SLC31A1: variants seen among roughly 807,000 people sequenced by gnomAD.
SLC31A1 encodes the protein solute carrier family 31 member 1, also known as high affinity copper uptake protein 1.
A neutral mutation model predicts 17.2 loss-of-function variants in SLC31A1; 5 were observed. That is an observed-to-expected ratio of 0.29 (90% CI 0.15 to 0.61). SLC31A1 has a LOEUF of 0.61. Among genes scored for constraint, SLC31A1 ranks in the 20% least tolerant of loss-of-function variants. The pLI is 0.86. For missense variants in SLC31A1, 161 were observed against 241.4 expected, an observed-to-expected ratio of 0.67 and a Z score of 2.21; for synonymous variants, 76 against 78.8, an observed-to-expected ratio of 0.96 and a Z score of 0.19.
At chr9:113,259,405 T>C (rs1444055795) in intron 4 of SLC31A1, among the ~76,000 whole-genome samples, 2 of 152,220 alleles carry the variant, frequency 1.3e-5, no homozygotes, top group South Asian at 2.1e-4. Flanking sequence ...TAGACTGATA[T>C]CCTGCTTTCA....
At chr9:113,227,075 C>T (rs1476967451) in intron 1 of SLC31A1, among the ~76,000 whole-genome samples, 12 of 151,794 alleles carry the variant, frequency 7.9e-5, no homozygotes, top group Admixed American at 7.9e-4. Context: ...TACCTTCATT[C>T]GATAGGTATG....
chr9:113,236,068 A>C (rs1336708389), intron 1 of SLC31A1, among the ~76,000 whole-genome samples: 1 of 152,142 alleles, frequency 6.6e-6, no homozygotes, highest in Non-Finnish European at 1.5e-5. Flanking sequence ...GCTCACTGCA[A>C]CCTCTGCCTC....
intron 1 of SLC31A1, among the ~76,000 whole-genome samples, chr9:113,229,864 T>C (rs1314573101): frequency 6.6e-6 from 1 of 152,218 alleles, no homozygotes; most frequent in Non-Finnish European, 1.5e-5. Flanking sequence ...CAAAATTATG[T>C]TGAATTGCAG....
At chr9:113,245,099 TTAAG>T (rs1172924146) in intron 1 of SLC31A1, among the ~76,000 whole-genome samples, 1 of 152,186 alleles carries the variant, frequency 6.6e-6, no homozygotes, top group Non-Finnish European at 1.5e-5. Flanking sequence ...ATTGATCAAA[TTAAG>T]TATACCTACG....
intron 1 of SLC31A1, among the ~76,000 whole-genome samples, chr9:113,252,539 T>G (rs919857373): frequency 6.6e-6 from 1 of 152,202 alleles, no homozygotes; most frequent in African/African-American, 2.4e-5. Flanking sequence ...TCTGCCCGCC[T>G]TGGCCTCCCA....
chr9:113,253,647 C>T (rs542725698), intron 1 of SLC31A1, among the ~76,000 whole-genome samples: 54 of 151,152 alleles, frequency 3.6e-4, no homozygotes, highest in Non-Finnish European at 6.5e-4. Flanking sequence ...CTCCGCCTCC[C>T]AGGTTTGAGC....
chr9:113,264,418 T>C lies in SLC31A1; in HGVS notation c.*3945T>C, dbSNP rs1831831931. On this transcript the variant is annotated 3_prime_UTR_variant, in exon 5 of 5. Transcript: ENST00000374212. The stretch of plus-strand genomic sequence containing the variant: ...TAGATTGTAAGCTCCTGGAGAGCAG[T>C]ATTGCTGTAGTAGGAATGTTTTAAC... 6.6e-6 allele frequency: 1 copy of C among 152,566 alleles called. No homozygotes were observed. The highest frequency in any genetic ancestry group is 1.5e-5 in the Non-Finnish European group (1 of 68,030). 9.5% of individuals were successfully genotyped at this position (152,566 alleles called of 1,614,324 possible).
intron 3 of SLC31A1, among the ~76,000 whole-genome samples, 178 bp downstream of exon 3, chr9:113,257,363 C>T (rs956351570): frequency 4.6e-5 from 7 of 151,920 alleles, no homozygotes; most frequent in Admixed American, 1.3e-4. Context: ...CTTTTTTGGT[C>T]CTCTGGTAAA....
At chr9:113,249,356 G>GTT (rs555534321) in intron 1 of SLC31A1, among the ~76,000 whole-genome samples, 2 of 141,136 alleles carry the variant, frequency 1.4e-5, no homozygotes, top group Admixed American at 7.1e-5. Flanking sequence ...ATCTTTCTTT[G>GTT]TTTTTTTTTT....
intron 1 of SLC31A1, among the ~76,000 whole-genome samples, chr9:113,222,355 C>T (rs1031440026): frequency 3.9e-5 from 6 of 152,164 alleles, no homozygotes; most frequent in Non-Finnish European, 5.9e-5. Flanking sequence ...GGTCTTCCTG[C>T]GACAGCCCTA....
At position 113,263,034 on chromosome 9, in the gene SLC31A1, C is replaced by G. The variant is rs1831811959; in HGVS notation, c.*2561C>G. On this transcript the variant is annotated 3_prime_UTR_variant, in exon 5 of 5. Transcript: ENST00000374212. ...ATTAGCCAGGCATGGTGGTGCATAC[C>G]TATAGTCCTGGCTATTTGGGAGGCT... 6.6e-6 allele frequency: 1 copy of G among 152,250 alleles called. No individual in the cohort carries two copies. Among genetic ancestry groups the G allele is most frequent in the Non-Finnish European group, 1.5e-5 (1 of 68,106 alleles). The allele number at this position is 152,250 out of a possible 1,614,324, so 9.4% of individuals were successfully genotyped here. A position where few individuals can be genotyped will look rare whatever the true frequency, so the allele number is the denominator to read the frequency against.
chr9:113,251,715 TTTTA>T (rs1831656249), intron 1 of SLC31A1, among the ~76,000 whole-genome samples: 1 of 152,244 alleles, frequency 6.6e-6, no homozygotes, highest in Non-Finnish European at 1.5e-5. Context: ...ATATAATCAC[TTTTA>T]TTTATTATGC....
intron 1 of SLC31A1, among the ~76,000 whole-genome samples, chr9:113,233,497 A>G (rs979551881): frequency 3.9e-5 from 6 of 152,230 alleles, no homozygotes; most frequent in Non-Finnish European, 7.3e-5. Context: ...TGGTAGTTCA[A>G]TCCCTGTATT....
chr9:113,229,274 G>A (rs747902493), intron 1 of SLC31A1, among the ~76,000 whole-genome samples: 11 of 152,144 alleles, frequency 7.2e-5, no homozygotes, highest in African/African-American at 1.2e-4. Flanking sequence ...TAGGGACCAC[G>A]GTCCTATTTT....
intron 1 of SLC31A1, among the ~76,000 whole-genome samples, chr9:113,250,662 A>G (rs1458985916): frequency 1.3e-5 from 2 of 151,864 alleles, no homozygotes; most frequent in Admixed American, 1.3e-4. Context: ...CATGTACCCT[A>G]AAACTTAAAG....
At chr9:113,223,625 T>C (rs758361022) in intron 1 of SLC31A1, among the ~76,000 whole-genome samples, 6 of 152,210 alleles carry the variant, frequency 3.9e-5, no homozygotes, top group Non-Finnish European at 8.8e-5. Flanking sequence ...TAAAATATAT[T>C]GTCAACCCCC....
intron 1 of SLC31A1, among the ~76,000 whole-genome samples, chr9:113,247,338 G>A (rs963695114): frequency 1.3e-5 from 2 of 152,106 alleles, no homozygotes; most frequent in Non-Finnish European, 2.9e-5. Context: ...GAACTGTCCC[G>A]GGCTCCAGAT....
rs1474304327 is a variant in SLC31A1, at chr9:113,257,100, G to A, written c.130-13G>A. On this transcript the variant is annotated splice_polypyrimidine_tract_variant and intron_variant, in intron 2 of 4. Transcript: ENST00000374212. ...CATTCATCTCTAACTGACTTGTTTT[G>A]GTTTTCTGGCAGCCTATGACCTTCT... 1.2e-6 allele frequency: 2 copies of A among 1,611,748 alleles called. No individual in the cohort carries two copies. The highest frequency in any genetic ancestry group is 1.7e-5 in the Admixed American group (1 of 59,990).
chr9:113,222,999 G>T (rs1465131260), intron 1 of SLC31A1, among the ~76,000 whole-genome samples: 2 of 151,996 alleles, frequency 1.3e-5, no homozygotes, highest in African/African-American at 4.8e-5. Context: ...AAAGTCACTT[G>T]CAAAGCAGTC....
Sources: gnomAD v4.1 joint callset for allele counts (sites outside exome capture counted in the v4.1 genomes callset) on GRCh38, gnomAD v4.1.1 for gene constraint, MANE v1.5 for transcripts, NCBI Gene and HGNC (gene_info 2026-07-23, HGNC 2026-07-21) for gene names.